LHFPL2: variants seen among roughly 807,000 people sequenced by gnomAD.
LHFPL2 encodes LHFPL tetraspan subfamily member 2, also known as LHFPL tetraspan subfamily member 2 protein.
Under a neutral mutation model 17.5 loss-of-function variants are expected in LHFPL2, and 7 were observed. The observed-to-expected ratio is 0.40, with a 90% CI of 0.23 to 0.75. LHFPL2 has a LOEUF of 0.75. Among genes scored for constraint, LHFPL2 ranks in the 30% least tolerant of loss-of-function variants. The pLI is 0.37. For missense variants in LHFPL2, 241 were observed against 294.8 expected (o/e 0.82, Z 1.34); for synonymous variants, 134 against 116.2 (o/e 1.15, Z -0.99).
intron 2 of LHFPL2, among the ~76,000 whole-genome samples, chr5:78,595,954 A>C (rs947395375): frequency 2.0e-5 from 3 of 152,204 alleles, no homozygotes; most frequent in Non-Finnish European, 2.9e-5. Flanking sequence ...AGGAGGTTTA[A>C]ATGAACAATA....
intron 2 of LHFPL2, among the ~76,000 whole-genome samples, chr5:78,589,277 T>G (rs1213349905): frequency 2.6e-5 from 4 of 152,098 alleles, no homozygotes; most frequent in Non-Finnish European, 4.4e-5. Flanking sequence ...GAGACCATCC[T>G]GGCTAACACA....
chr5:78,634,120 CA>C (rs1248972971), intron 1 of LHFPL2, among the ~76,000 whole-genome samples: 2 of 151,990 alleles, frequency 1.3e-5, no homozygotes, highest in Admixed American at 6.6e-5. Context: ...CCCCTCCCCC[CA>C]AAAAAAGCAT....
At position 78,603,751 on chromosome 5, in the gene LHFPL2, AAC is replaced by A. The variant is rs376436136; in HGVS notation, c.-245+28511_-245+28512del. Among the ~76,000 whole-genome samples, 176 of 152,348 alleles carry A rather than the reference AAC, an allele frequency of 1.2e-3. 5 individuals are homozygous for A. In the South Asian group the frequency reaches 0.035, roughly 30 times the overall value. On this transcript the variant is annotated intron_variant, in intron 2 of 4. Transcript: ENST00000380345. ...TTTCAGTTAAAAAAATTTTTAAAAAAACACACAGATGTTTGCAGCATTATTTA... is the reference window on the plus strand; with the variant it reads ...TTTCAGTTAAAAAAATTTTTAAAAAAACACAGATGTTTGCAGCATTATTTA...
intron 2 of LHFPL2, among the ~76,000 whole-genome samples, chr5:78,584,993 G>GTTTTTTTTTTTTTTTTT (rs1561352310): frequency 3.5e-5 from 3 of 84,758 alleles, no homozygotes; most frequent in African/African-American, 1.5e-4. Flanking sequence ...CTGGTGCGCT[G>GTTTTTTTTTTTTTTTTT]TGTTTTTTTT....
intron 2 of LHFPL2, among the ~76,000 whole-genome samples, chr5:78,578,845 C>T (rs1757203179): frequency 1.3e-5 from 2 of 152,218 alleles, no homozygotes. Flanking sequence ...TTGTTCCCAG[C>T]TACCTGTCTT....
chr5:78,536,588 C>T (rs921265630), intron 3 of LHFPL2, among the ~76,000 whole-genome samples: 1 of 152,240 alleles, frequency 6.6e-6, no homozygotes, highest in African/African-American at 2.4e-5. Context: ...GTTTCCACAT[C>T]TGGGCCATTC....
chr5:78,560,160 T>C (rs748612421), intron 3 of LHFPL2, among the ~76,000 whole-genome samples: 1 of 152,222 alleles, frequency 6.6e-6, no homozygotes, highest in Non-Finnish European at 1.5e-5. Flanking sequence ...ATAAGGGATG[T>C]GGCCTATCCT....
chr5:78,578,585 GCACACACACACACA>G lies in LHFPL2; in HGVS notation c.-244-13728_-244-13715del, dbSNP rs61127481. Among the ~76,000 whole-genome samples the G allele has an allele frequency of 1.6e-4, 23 of 146,998 alleles. 1 individual carries two copies. Among genetic ancestry groups the G allele is most frequent in the Middle Eastern group, 6.8e-3 (2 of 292 alleles). ...CTTAGGCTGTTTTTCTTGCATATGT[GCACACACACACACA>G]CACACACACACACACACACACAGAG... On this transcript the variant is annotated intron_variant, in intron 2 of 4. Transcript: ENST00000380345.
chr5:78,600,958 C>T (rs940910460), intron 2 of LHFPL2, among the ~76,000 whole-genome samples: 6 of 152,136 alleles, frequency 3.9e-5, no homozygotes, highest in African/African-American at 1.4e-4. Flanking sequence ...AAAAAGTTAA[C>T]TGAAACTCCA....
intron 2 of LHFPL2, among the ~76,000 whole-genome samples, chr5:78,624,659 A>G (rs1744967697): frequency 1.3e-5 from 2 of 152,240 alleles, no homozygotes; most frequent in Non-Finnish European, 2.9e-5. Flanking sequence ...TAACTATTCT[A>G]AATTTTAAAA....
At chr5:78,535,259 G>A (rs928576226) in intron 3 of LHFPL2, among the ~76,000 whole-genome samples, 7 of 152,060 alleles carry the variant, frequency 4.6e-5, no homozygotes, top group East Asian at 1.9e-4. Flanking sequence ...GAGCGCCCAC[G>A]TAGGCAGGGT....
chr5:78,635,276 GA>G (rs1745393593), intron 1 of LHFPL2, among the ~76,000 whole-genome samples: 1 of 152,256 alleles, frequency 6.6e-6, no homozygotes, highest in South Asian at 2.1e-4. Flanking sequence ...ATACGACAGA[GA>G]AAGCATGCAC....
intron 2 of LHFPL2, among the ~76,000 whole-genome samples, chr5:78,594,851 T>G (rs955950642): frequency 2.6e-5 from 4 of 152,230 alleles, no homozygotes; most frequent in African/African-American, 9.6e-5. Context: ...AGAATGGACA[T>G]AGCCGCCAAC....
intron 1 of LHFPL2, among the ~76,000 whole-genome samples, chr5:78,647,663 G>C (rs560648834): frequency 6.6e-6 from 1 of 152,272 alleles, no homozygotes; most frequent in South Asian, 2.1e-4. Flanking sequence ...CGGGGGTGGG[G>C]ATAGGACTTT....
intron 2 of LHFPL2, among the ~76,000 whole-genome samples, chr5:78,622,816 A>G (rs1417671347): frequency 6.6e-6 from 1 of 152,204 alleles, no homozygotes; most frequent in African/African-American, 2.4e-5. Context: ...GCTGCTTGTG[A>G]GGTACAACTG....
chr5:78,545,984 A>G (rs1756258563), intron 3 of LHFPL2, among the ~76,000 whole-genome samples: 2 of 152,164 alleles, frequency 1.3e-5, no homozygotes, highest in Admixed American at 1.3e-4. Flanking sequence ...AAAAATACCC[A>G]AACTTTAAAA....
intron 1 of LHFPL2, among the ~76,000 whole-genome samples, chr5:78,633,200 G>T (rs10069173): frequency 0.32 from 48,733 of 152,048 alleles, 8,131 homozygotes; most frequent in African/African-American, 0.39. Context: ...CATCCTGGTC[G>T]GTTGTGAGAG....
chr5:78,513,654 T>C (rs897793237), intron 3 of LHFPL2, among the ~76,000 whole-genome samples: 1 of 152,266 alleles, frequency 6.6e-6, no homozygotes, highest in Non-Finnish European at 1.5e-5. Context: ...AATTGAATCA[T>C]GGGGGCGGAT....
In LHFPL2 at chr5:78,608,265, T is replaced by C. The variant is rs116695585; in HGVS notation, c.-245+23999A>G. On this transcript the variant is annotated intron_variant, in intron 2 of 4. Coordinates refer to ENST00000380345, the MANE Select transcript of LHFPL2 (RefSeq NM_005779.3). ...GAAGATTATACCTTCAAATAAGAAT[T>C]ATTTTTTAAAATGCTTATCAAATTA... Among the ~76,000 whole-genome samples the C allele has an allele frequency of 3.4e-3, 515 of 152,368 alleles. 4 individuals are homozygous for C. Among genetic ancestry groups the C allele is most frequent in the African/African-American group, 0.012 (501 of 41,580 alleles).
Sources: gnomAD v4.1 joint callset for allele counts (sites outside exome capture counted in the v4.1 genomes callset) on GRCh38, gnomAD v4.1.1 for gene constraint, MANE v1.5 for transcripts, NCBI Gene and HGNC (gene_info 2026-07-23, HGNC 2026-07-21) for gene names.